The following EDARADD variants were observed in gnomAD, a reference collection of about 807,000 sequenced individuals.
EDARADD encodes the protein EDAR associated via death domain, also known as ectodysplasin-A receptor-associated adapter protein.
EDARADD carries 20 observed loss-of-function variants against 25.6 expected under a neutral mutation model. The observed-to-expected ratio is 0.78, with a 90% CI of 0.55 to 1.14. EDARADD has a LOEUF of 1.14. Among genes scored for constraint, EDARADD ranks in the 50% most tolerant of loss-of-function variants. EDARADD has a pLI of 0.00. For synonymous variants in EDARADD, 86 were observed against 94.4 expected (o/e 0.91, Z 0.52); for missense variants, 225 against 270.1 (o/e 0.83, Z 1.17).
At chr1:236,456,671 C>T (rs1253613) in intron 4 of EDARADD, among the ~76,000 whole-genome samples, 144,087 of 149,898 alleles carry the variant, frequency 0.96, 69,419 homozygotes, top group Non-Finnish European at 1. Flanking sequence ...ACCCTCTACC[C>T]GCGACTCTGA....
chr1:236,478,264 A>G (rs113383257), intron 5 of EDARADD, among the ~76,000 whole-genome samples: 23 of 152,018 alleles, frequency 1.5e-4, no homozygotes, highest in Non-Finnish European at 2.9e-4. Flanking sequence ...TGTGGCCCCA[A>G]TTTATGTGAA....
intron 1 of EDARADD, among the ~76,000 whole-genome samples, chr1:236,401,844 A>G (rs1667616718): frequency 6.6e-6 from 1 of 152,230 alleles, no homozygotes. Flanking sequence ...CCAATTCAAA[A>G]TGAAATCATC....
chr1:236,351,121 G>A (rs73119266), intron 3 of EDARADD, among the ~76,000 whole-genome samples: 442 of 152,002 alleles, frequency 2.9e-3, no homozygotes, highest in African/African-American at 0.01. Context: ...CCTAGGCGAC[G>A]GTGAGACCCC....
Position 236,482,768 on chromosome 1 carries a change from GT to G in EDARADD, c.*123del. 1 of 1,494,100 alleles carries G rather than the reference GT, an allele frequency of 6.7e-7. No individual in the cohort carries two copies. Among genetic ancestry groups the G allele is most frequent in the Non-Finnish European group, 9.1e-7 (1 of 1,095,624 alleles). 92.6% of individuals were successfully genotyped at this position (1,494,100 alleles called of 1,614,324 possible). On this transcript the variant is annotated 3_prime_UTR_variant, in exon 6 of 6. Transcript: ENST00000334232. ...CAAGGACGTGGAACAGTGGACACTG[GT>G]TTTCCCCAAAGCTGGCAGTTTTGTG...
At chr1:236,413,812 C>A (rs1170141706) in intron 2 of EDARADD, among the ~76,000 whole-genome samples, 5 of 152,158 alleles carry the variant, frequency 3.3e-5, no homozygotes, top group African/African-American at 7.2e-5. Context: ...TCTTTTGAAT[C>A]ATCCTGTCTC....
intron 5 of EDARADD, among the ~76,000 whole-genome samples, chr1:236,480,570 C>A (rs1659645843): frequency 6.6e-6 from 1 of 152,074 alleles, no homozygotes; most frequent in Admixed American, 6.6e-5. Context: ...TCTTTACCTT[C>A]CGAAACTGGG....
chr1:236,395,485 A>T lies in EDARADD; in HGVS notation c.61+980A>T. 1 of 1,510,120 alleles carries T rather than the reference A, an allele frequency of 6.6e-7. No individual in the cohort carries two copies. Among genetic ancestry groups the T allele is most frequent in the Non-Finnish European group, 8.8e-7 (1 of 1,132,272 alleles). The allele number at this position is 1,510,120 out of a possible 1,614,324, so 93.5% of individuals were successfully genotyped here. On this transcript the variant is annotated intron_variant, in intron 1 of 5. Transcript: ENST00000334232. This position sits in a 1 kb window ranked among gnomAD's most constrained non-coding sequence, Gnocchi z 6.9. ...AGAAGAAGAAGGGAGGGGAAGGCGG[A>T]GGAGGGCAGGGGCGCGCAGAGCCAC... is the stretch of plus-strand genomic sequence containing the variant.
intron 3 of EDARADD, among the ~76,000 whole-genome samples, chr1:236,420,579 A>G (rs1485648661): frequency 6.6e-6 from 1 of 152,350 alleles, no homozygotes; most frequent in East Asian, 1.9e-4. Context: ...TTTGCTTTTC[A>G]CTGGCAACCT....
intron 4 of EDARADD, among the ~76,000 whole-genome samples, chr1:236,434,352 C>T (rs1287806767): frequency 1.3e-5 from 2 of 152,002 alleles, no homozygotes; most frequent in East Asian, 3.9e-4. Flanking sequence ...ATTTTCCTGG[C>T]TCGGCCTCCC....
In EDARADD at chr1:236,441,061, T is replaced by C. The variant is rs1571936535; in HGVS notation, c.219+13611T>C. 2.0e-5 allele frequency among the ~76,000 whole-genome samples: 3 copies of C among 151,964 alleles called. No individual in the cohort carries two copies. In the East Asian group the frequency reaches 5.8e-4, roughly 29 times the overall value. On this transcript the variant is annotated intron_variant, in intron 4 of 5. Coordinates refer to ENST00000334232, the MANE Select transcript of EDARADD (RefSeq NM_145861.4). ...AGGTCTCTCATGCTAAACAGCCAAGTTATGAATGCAAAAGAGAAGTTTTTG... is the reference window on the plus strand; with the variant it reads ...AGGTCTCTCATGCTAAACAGCCAAGCTATGAATGCAAAAGAGAAGTTTTTG...
At chr1:236,397,301 T>C (rs984130073) in intron 1 of EDARADD, among the ~76,000 whole-genome samples, 1 of 151,966 alleles carries the variant, frequency 6.6e-6, no homozygotes, top group Non-Finnish European at 1.5e-5. Flanking sequence ...TCCCAGCTAC[T>C]CGGGGGGCTG....
intron 1 of EDARADD, among the ~76,000 whole-genome samples, chr1:236,406,492 A>G (rs1667741840): frequency 1.3e-5 from 2 of 152,184 alleles, no homozygotes; most frequent in South Asian, 4.1e-4. Flanking sequence ...GGTACAGCCC[A>G]TTGCTCCAGG....
Position 236,464,441 on chromosome 1 carries a change from T to TTTTC in EDARADD, c.220-3787_220-3786insCTTT, listed in dbSNP as rs1553270202. Among the ~76,000 whole-genome samples, 778 of 126,368 alleles carry TTTTC rather than the reference T, an allele frequency of 6.2e-3. 31 individuals carry two copies. The highest frequency in any genetic ancestry group is 8.7e-3 in the Non-Finnish European group (525 of 60,212). 82.9% of individuals were successfully genotyped at this position (126,368 alleles called of 152,430 possible). On this transcript the variant is annotated intron_variant, in intron 4 of 5. Coordinates refer to ENST00000334232, the MANE Select transcript of EDARADD (RefSeq NM_145861.4). Reference sequence around the variant, plus strand: ...GCTGCAACTTTTTTTTTTTTTTTTTTTTTTTTTTTGAGACAGAATCTCGCT... The same window carrying TTTTC: ...GCTGCAACTTTTTTTTTTTTTTTTTTTTTCTTTTTTTTTGAGACAGAATCTCGCT...
chr1:236,372,153 A>G (rs1204448619), intron 3 of EDARADD, among the ~76,000 whole-genome samples: 3 of 145,272 alleles, frequency 2.1e-5, no homozygotes, highest in Non-Finnish European at 4.6e-5. Flanking sequence ...ACGGGGTCTC[A>G]CCATATTGGC....
intron 3 of EDARADD, among the ~76,000 whole-genome samples, chr1:236,427,070 G>A (rs937153217): frequency 2.0e-5 from 3 of 152,078 alleles, no homozygotes; most frequent in East Asian, 3.9e-4. Context: ...TAGTAGAGAC[G>A]GGGGTTTCTC....
chr1:236,395,501 G>C lies in EDARADD; in HGVS notation c.61+996G>C. ...GGAAGGCGGAGGAGGGCAGGGGCGCGCAGAGCCACGGTTTGCTCCAGGCGC... is the reference window on the plus strand; with the variant it reads ...GGAAGGCGGAGGAGGGCAGGGGCGCCCAGAGCCACGGTTTGCTCCAGGCGC... On this transcript the variant is annotated intron_variant, in intron 1 of 5. Coordinates refer to ENST00000334232, the MANE Select transcript of EDARADD (RefSeq NM_145861.4). This position sits in a 1 kb window ranked among gnomAD's most constrained non-coding sequence, Gnocchi z 6.9. 6.6e-7 allele frequency: 1 copy of C among 1,524,560 alleles called. No homozygotes were observed. The highest frequency in any genetic ancestry group is 2.5e-5 in the East Asian group (1 of 40,026). 94.4% of individuals were successfully genotyped at this position (1,524,560 alleles called of 1,614,324 possible).
At chr1:236,359,414 G>A (rs942542800) in intron 3 of EDARADD, among the ~76,000 whole-genome samples, 29 of 152,172 alleles carry the variant, frequency 1.9e-4, no homozygotes, top group East Asian at 1.5e-3. Flanking sequence ...TCAACCTTCC[G>A]CCATGTGAGG....
intron 3 of EDARADD, among the ~76,000 whole-genome samples, chr1:236,385,358 G>C (rs539053909): frequency 1.4e-5 from 2 of 143,276 alleles, no homozygotes; most frequent in Non-Finnish European, 3.0e-5. Context: ...GCAGTGAGCC[G>C]AGATTGCACC....
chr1:236,428,016 A>G lies in EDARADD; in HGVS notation c.219+566A>G, dbSNP rs574648269. 3.1e-3 allele frequency among the ~76,000 whole-genome samples: 471 copies of G among 150,790 alleles called. 2 individuals carry two copies. The highest frequency in any genetic ancestry group is 0.011 in the African/African-American group (442 of 40,908). Reference sequence around the variant, plus strand: ...TATTGATCATTCTTGGGTGTTTCACAGAGAGGGGGATTTGGCAGGGTCATA... The same window carrying G: ...TATTGATCATTCTTGGGTGTTTCACGGAGAGGGGGATTTGGCAGGGTCATA... On this transcript the variant is annotated intron_variant, in intron 4 of 5. Transcript: ENST00000334232.
Sources: gnomAD v4.1 joint callset for allele counts (sites outside exome capture counted in the v4.1 genomes callset) on GRCh38, gnomAD v4.1.1 for gene constraint, Gnocchi (gnomAD v3.1) non-coding constraint, MANE v1.5 for transcripts, NCBI Gene and HGNC (gene_info 2026-07-23, HGNC 2026-07-21) for gene names.